Variants in APP observed in about 807,000 individuals in gnomAD.
APP encodes amyloid-beta precursor protein.
Under a neutral mutation model 101.4 loss-of-function variants are expected in APP, and 31 were observed. The ratio of observed to expected loss-of-function variants is 0.31; its 90% CI spans 0.23 to 0.41. The LOEUF (loss-of-function observed/expected upper bound fraction) is 0.41. Among genes scored for constraint, APP ranks in the 10% least tolerant of loss-of-function variants. The pLI, the probability that APP is intolerant of heterozygous loss-of-function variation, is 1.00. For synonymous variants in APP, 366 were observed against 364.4 expected, an observed-to-expected ratio of 1.00 and a Z score of -0.05; for missense variants, 839 against 1,003.7, an observed-to-expected ratio of 0.84 and a Z score of 2.22.
chr21:25,996,499 G>A (rs1274840584), intron 8 of APP, among the ~76,000 whole-genome samples: 1 of 152,180 alleles, frequency 6.6e-6, no homozygotes, highest in African/African-American at 2.4e-5. Context: ...ATGTAACCGA[G>A]TACTCTATTT....
chr21:25,959,722 T>C (rs2041494593), intron 11 of APP, among the ~76,000 whole-genome samples: 1 of 152,202 alleles, frequency 6.6e-6, no homozygotes, highest in African/African-American at 2.4e-5. Flanking sequence ...AAGAGCAAGA[T>C]AGGAATGTCC....
rs560142953 is a variant in APP, at chr21:26,046,104, T to C, written c.662+4896A>G. 2.7e-4 allele frequency among the ~76,000 whole-genome samples: 41 copies of C among 151,710 alleles called. 1 individual carries two copies. The East Asian group carries it at 7.2e-3, about 27-fold the overall frequency. On this transcript the variant is annotated intron_variant, in intron 5 of 17. Transcript: ENST00000346798. Reference sequence around the variant, plus strand: ...GGAAAGACTTGCCCCCATGATTCAATTGCCTCCCACCGAGTCCCTTCCACA... The same window carrying C: ...GGAAAGACTTGCCCCCATGATTCAACTGCCTCCCACCGAGTCCCTTCCACA...
intron 11 of APP, among the ~76,000 whole-genome samples, chr21:25,966,194 A>G (rs768221218): frequency 6.6e-6 from 1 of 152,236 alleles, no homozygotes; most frequent in Non-Finnish European, 1.5e-5. Flanking sequence ...GGGAAGTAAT[A>G]GTACTGAGTG....
intron 1 of APP, among the ~76,000 whole-genome samples, chr21:26,147,683 CTGT>C (rs2063180691): frequency 6.6e-6 from 1 of 152,092 alleles, no homozygotes; most frequent in Non-Finnish European, 1.5e-5. Flanking sequence ...CACAGAGCAA[CTGT>C]TAAGTTAATC....
chr21:26,074,051 T>C (rs2061456570), intron 3 of APP, among the ~76,000 whole-genome samples: 1 of 152,050 alleles, frequency 6.6e-6, no homozygotes, highest in African/African-American at 2.4e-5. Flanking sequence ...ATCCAATAAA[T>C]AGGGGGATCT....
At chr21:26,076,227 T>C (rs1299566804) in intron 3 of APP, among the ~76,000 whole-genome samples, 1 of 152,080 alleles carries the variant, frequency 6.6e-6, no homozygotes, top group Non-Finnish European at 1.5e-5. Flanking sequence ...ACCTCTTCAT[T>C]TTCTTTACGT....
chr21:26,116,424 C>T (rs1422247457), intron 1 of APP, among the ~76,000 whole-genome samples: 1 of 152,206 alleles, frequency 6.6e-6, no homozygotes, highest in Non-Finnish European at 1.5e-5. Flanking sequence ...CTGGACCAGT[C>T]TGCAGATGTG....
chr21:25,891,984 T>C (rs1214527376), intron 16 of APP, 116 bp from the exon 17 acceptor site: 1 of 1,129,334 alleles, frequency 8.9e-7, no homozygotes, highest in East Asian at 2.6e-5. Flanking sequence ...TGGATGAGGT[T>C]ATATAAAAAG....
chr21:26,031,175 C>T (rs1176909194), intron 5 of APP, among the ~76,000 whole-genome samples: 4 of 152,170 alleles, frequency 2.6e-5, no homozygotes, highest in Non-Finnish European at 5.9e-5. Flanking sequence ...AACTATGTGC[C>T]TGGCATCTCC....
intron 9 of APP, among the ~76,000 whole-genome samples, chr21:25,977,879 G>A (rs1435231710): frequency 6.6e-6 from 1 of 152,176 alleles, no homozygotes; most frequent in East Asian, 1.9e-4. Context: ...TTGCTTTATA[G>A]ATGAGATAAG....
chr21:26,055,052 C>T (rs1422466618), intron 3 of APP, among the ~76,000 whole-genome samples: 1 of 152,136 alleles, frequency 6.6e-6, no homozygotes, highest in Non-Finnish European at 1.5e-5. Flanking sequence ...AGAATAAGCA[C>T]TGTATCTTGT....
chr21:26,044,703 C>T (rs1258610081), intron 5 of APP, among the ~76,000 whole-genome samples: 1 of 152,132 alleles, frequency 6.6e-6, no homozygotes, highest in African/African-American at 2.4e-5. Context: ...CCACGCCTAG[C>T]TAATTTTGTA....
At chr21:26,077,433 A>G (rs2146060429) in intron 3 of APP, among the ~76,000 whole-genome samples, 1 of 152,190 alleles carries the variant, frequency 6.6e-6, no homozygotes, top group East Asian at 1.9e-4. Context: ...TTATCTTCGT[A>G]TCTTACAACG....
At chr21:25,954,787 C>T (rs1479081361) in intron 12 of APP, 98 bp from the exon 13 acceptor site, 1 of 990,866 alleles carries the variant, frequency 1.0e-6, no homozygotes, top group African/African-American at 1.6e-5. Flanking sequence ...CGGAGTCTCG[C>T]TCTGTCGCCC....
At chr21:25,950,654 G>A (rs750849366) in intron 13 of APP, among the ~76,000 whole-genome samples, 1 of 151,682 alleles carries the variant, frequency 6.6e-6, no homozygotes, top group African/African-American at 2.4e-5. Flanking sequence ...TGTTTTTTTT[G>A]TTTTGTCTTT....
chr21:26,016,121 C>T lies in APP; in HGVS notation c.865+5719G>A, dbSNP rs1313098684. 1.4e-4 allele frequency among the ~76,000 whole-genome samples: 22 copies of T among 152,082 alleles called. 1 individual carries two copies. The highest frequency in any genetic ancestry group is 1.4e-3 in the Admixed American group (21 of 15,272). ...TCTCAGCTCACTGCAACCTCCGCAT[C>T]CCAGGTCCAAGCAATTCCCCTGCCT... On this transcript the variant is annotated intron_variant, in intron 6 of 17. Transcript: ENST00000346798.
intron 1 of APP, among the ~76,000 whole-genome samples, chr21:26,170,315 G>C (rs1398171873): frequency 1.3e-5 from 2 of 152,050 alleles, no homozygotes; most frequent in Non-Finnish European, 2.9e-5. Context: ...TTCTCGCCCC[G>C]GGCTGGCGCG....
intron 13 of APP, among the ~76,000 whole-genome samples, chr21:25,952,742 A>G (rs1389962119): frequency 7.2e-6 from 1 of 139,596 alleles, no homozygotes; most frequent in Non-Finnish European, 1.5e-5. Flanking sequence ...GATAGCTGTA[A>G]AAAACAAACA....
In APP at chr21:26,166,607, GA is replaced by G. The variant is rs918313059; in HGVS notation, c.57+3956del. 8.4e-4 allele frequency among the ~76,000 whole-genome samples: 123 copies of G among 146,384 alleles called. 1 individual carries two copies. Among genetic ancestry groups the G allele is most frequent in the Admixed American group, 2.6e-3 (39 of 14,726 alleles). On this transcript the variant is annotated intron_variant, in intron 1 of 17. Transcript: ENST00000346798. ...AGTTGAGATCTTTAAATTAAAAAAA[GA>G]AAAAAAAAAGATTTCATAATCAAGC...
Sources: gnomAD v4.1 joint callset for allele counts (sites outside exome capture counted in the v4.1 genomes callset) on GRCh38, gnomAD v4.1.1 for gene constraint, MANE v1.5 for transcripts, NCBI Gene and HGNC (gene_info 2026-07-23, HGNC 2026-07-21) for gene names.